Variants in MAP3K1 observed in about 807,000 individuals in gnomAD.
MAP3K1 encodes MAP/ERK kinase kinase 1.
MAP3K1 carries 36 observed loss-of-function variants against 144.2 expected under a neutral mutation model. The observed-to-expected ratio is 0.25, with a 90% CI of 0.19 to 0.33. The LOEUF (loss-of-function observed/expected upper bound fraction) is 0.33. Among genes scored for constraint, MAP3K1 ranks in the 10% least tolerant of loss-of-function variants. MAP3K1 has a pLI of 1.00. For synonymous variants in MAP3K1, 718 were observed against 688.7 expected (o/e 1.04, Z -0.67); for missense variants, 1,650 against 1,881.9 (o/e 0.88, Z 2.28).
intron 1 of MAP3K1, among the ~76,000 whole-genome samples, chr5:56,835,605 A>G (rs1746630475): frequency 1.3e-5 from 2 of 151,934 alleles, no homozygotes; most frequent in African/African-American, 4.8e-5. Context: ...GAGGTGCGGA[A>G]TCTTAGGCTA....
At chr5:56,823,938 T>C (rs565356169) in intron 1 of MAP3K1, among the ~76,000 whole-genome samples, 2 of 152,376 alleles carry the variant, frequency 1.3e-5, no homozygotes, top group South Asian at 2.1e-4. Flanking sequence ...TGAATAAATA[T>C]ACACATAAAG....
chr5:56,846,351 C>T (rs1037684114), intron 1 of MAP3K1, among the ~76,000 whole-genome samples: 15 of 152,112 alleles, frequency 9.9e-5, no homozygotes, highest in African/African-American at 3.6e-4. Context: ...CATTCTAGTC[C>T]AATTTGTTTT....
At chr5:56,877,125 T>G (rs1748056470) in intron 10 of MAP3K1, among the ~76,000 whole-genome samples, 1 of 152,308 alleles carries the variant, frequency 6.6e-6, no homozygotes, top group African/African-American at 2.4e-5. Context: ...TACACCTTGT[T>G]TTTTCATGTA....
chr5:56,872,840 T>A lies in MAP3K1; in HGVS notation c.1521T>A (p.Ser507Arg). 1 of 1,614,178 alleles carries A rather than the reference T, an allele frequency of 6.2e-7. No individual in the cohort carries two copies. Among genetic ancestry groups the A allele is most frequent in the Non-Finnish European group, 8.5e-7 (1 of 1,180,008 alleles). ...SHDFYSHELS[S>R]PVDSPSSLRA... Reference sequence around the variant, plus strand: ...TTCATTTTAGCCACGAGTTGTCAAGTCCTGTGGATTCCCCTTCTTCCCTCA... The same window carrying A: ...TTCATTTTAGCCACGAGTTGTCAAGACCTGTGGATTCCCCTTCTTCCCTCA... The change falls in exon 9 of 20, where the codon AGT becomes AGA. Residue 507 changes from serine to arginine, a missense_variant. This residue lies in a region of MAP3K1 where 841 missense variants were observed against 886.5 expected (regional missense o/e 0.95). Coordinates refer to ENST00000399503, the MANE Select transcript of MAP3K1 (RefSeq NM_005921.2).
rs773590377 is a variant in MAP3K1 at position 56,864,946 on chromosome 5, C to T, written c.1035+12C>T. 40 of 1,612,966 alleles carry T rather than the reference C, an allele frequency of 2.5e-5. No individual in the cohort carries two copies. Among genetic ancestry groups the T allele is most frequent in the Non-Finnish European group, 3.0e-5 (35 of 1,179,266 alleles). On this transcript the variant is annotated intron_variant, in intron 4 of 19. Coordinates refer to ENST00000399503, the MANE Select transcript of MAP3K1 (RefSeq NM_005921.2). ...TTATTGGGCCTCAGGTAGGATTCGT[C>T]ACCATTTTATACTTTATTAGTAGTA...
chr5:56,888,420 G>T, intron 19 of MAP3K1, 63 bp downstream of exon 19: 1 of 1,498,020 alleles, frequency 6.7e-7, no homozygotes. Flanking sequence ...TTGGCAGGAG[G>T]CAAATTTTGA....
chr5:56,885,141 G>A (rs186472671), intron 16 of MAP3K1, among the ~76,000 whole-genome samples: 12 of 152,194 alleles, frequency 7.9e-5, no homozygotes, highest in Admixed American at 3.9e-4. Context: ...GGACAGATGA[G>A]GAAGTGTTTT....
rs970100546 is a variant in MAP3K1, at chr5:56,882,289, A to C, written c.3089A>C (p.His1030Pro). 6.2e-7 allele frequency: 1 copy of C among 1,613,936 alleles called. No homozygotes were observed. The change falls in exon 14 of 20, where the codon CAC becomes CCC. Residue 1030 changes from histidine (H) to proline (P), a missense_variant. His to Pro is a moderately conservative substitution (Grantham distance 77). Around this residue, in one of 6 missense-constraint regions of MAP3K1, gnomAD observed 841 missense variants for 886.5 expected, o/e 0.95. Coordinates refer to ENST00000399503, the MANE Select transcript of MAP3K1 (RefSeq NM_005921.2). ...QTQRKFSLQF[H>P]RNCPENKDSD... ...CAGCGCAAGTTTTCTCTACAATTCCACAGAAACTGTCCTGAAAACAAAGAC... is the reference window on the plus strand; with the variant it reads ...CAGCGCAAGTTTTCTCTACAATTCCCCAGAAACTGTCCTGAAAACAAAGAC...
rs140697922 is a variant in MAP3K1, at chr5:56,865,412, C to T, written c.1108C>T (p.Pro370Ser). Residue 370 changes from proline (P) to serine (S), a missense_variant, in exon 5 of 20, where the codon CCT (proline) becomes TCT (serine). Pro to Ser is a moderately conservative substitution (Grantham distance 74). Coordinates refer to ENST00000399503, the MANE Select transcript of MAP3K1 (RefSeq NM_005921.2). ...GATGCTCCGGGTGTTTCAACTAGAA[C>T]CTTCAGACCCAATGTTATGGAGAAA... The part of the protein sequence containing the change: ...FVMLRVFQLE[P>S]SDPMLWRKTL... The T allele has an allele frequency of 2.0e-5, 32 of 1,608,406 alleles. No homozygotes were observed. In the Middle Eastern group the frequency reaches 8.3e-4, roughly 42 times the overall value.
chr5:56,857,518 A>G (rs1747377349), intron 2 of MAP3K1, among the ~76,000 whole-genome samples: 1 of 152,224 alleles, frequency 6.6e-6, no homozygotes, highest in Non-Finnish European at 1.5e-5. Context: ...GCAACTTAAA[A>G]TTCATCTAAG....
chr5:56,866,263 T>G (rs1208611860), intron 6 of MAP3K1, among the ~76,000 whole-genome samples: 1 of 151,888 alleles, frequency 6.6e-6, no homozygotes, highest in Non-Finnish European at 1.5e-5. Context: ...AGTAAAATAA[T>G]TAGCTGGGAG....
chr5:56,867,423 T>G (rs1747709410), intron 6 of MAP3K1, among the ~76,000 whole-genome samples: 1 of 152,142 alleles, frequency 6.6e-6, no homozygotes, highest in African/African-American at 2.4e-5. Context: ...TTTTAAATGT[T>G]ATGCCCAAAA....
intron 1 of MAP3K1, chr5:56,820,751 C>G: frequency 1.0e-6 from 1 of 985,400 alleles, no homozygotes; most frequent in Non-Finnish European, 1.2e-6. Context: ...CATTTATGAA[C>G]TTCTGCAAGG....
intron 2 of MAP3K1, 187 bp from the exon 3 acceptor site, chr5:56,859,528 G>A: frequency 3.5e-6 from 2 of 574,282 alleles, no homozygotes; most frequent in South Asian, 4.5e-5. Context: ...ACTGAAATTT[G>A]TGCAGGTAAA....
At chr5:56,874,848 A>G (rs1747972477) in intron 9 of MAP3K1, among the ~76,000 whole-genome samples, 184 bp from the exon 10 acceptor site, 1 of 152,150 alleles carries the variant, frequency 6.6e-6, no homozygotes, top group Admixed American at 6.5e-5. Context: ...TATCAGTTAA[A>G]CTTGAGTATA....
At chr5:56,887,678 T>C in intron 18 of MAP3K1, 158 bp downstream of exon 18, 1 of 765,532 alleles carries the variant, frequency 1.3e-6, no homozygotes, top group South Asian at 1.5e-5. Context: ...CAGACCCTTA[T>C]TCTCGACCTT....
intron 1 of MAP3K1, among the ~76,000 whole-genome samples, chr5:56,831,841 A>C (rs559434590): frequency 2.0e-5 from 3 of 152,358 alleles, no homozygotes; most frequent in Admixed American, 6.5e-5. Flanking sequence ...GTGTCTGTTA[A>C]AGTAAAAAAC....
chr5:56,893,032 G>A (rs1382258314), intron 19 of MAP3K1, among the ~76,000 whole-genome samples: 3 of 151,280 alleles, frequency 2.0e-5, no homozygotes, highest in Non-Finnish European at 4.4e-5. Flanking sequence ...TCTTCATAGT[G>A]TATTTGATAC....
chr5:56,895,891 T>A lies in MAP3K1; in HGVS notation c.*2211T>A. ...AAAGTTCACTTTCACAATGAAATTA[T>A]ATTTGCTGTGTGACTATGATTCCTA... On this transcript the variant is annotated 3_prime_UTR_variant, in exon 20 of 20. Coordinates refer to ENST00000399503, the MANE Select transcript of MAP3K1 (RefSeq NM_005921.2). 4.3e-6 allele frequency: 1 copy of A among 230,600 alleles called. No homozygotes were observed. The highest frequency in any genetic ancestry group is 8.6e-6 in the Non-Finnish European group (1 of 116,736). 14.3% of individuals were successfully genotyped at this position (230,600 alleles called of 1,614,324 possible).
Sources: gnomAD v4.1 joint callset for allele counts (sites outside exome capture counted in the v4.1 genomes callset) on GRCh38, gnomAD v4.1.1 for gene constraint, gnomAD v4.1.1 regional missense constraint, MANE v1.5 for transcripts, NCBI Gene and HGNC (gene_info 2026-07-23, HGNC 2026-07-21) for gene names.